GFOD2: variants seen among roughly 807,000 people sequenced by gnomAD.
GFOD2 encodes the protein Gfo/Idh/MocA-like oxidoreductase domain containing 2, also known as glucose-fructose oxidoreductase domain-containing protein 2.
Under a neutral mutation model 24.6 loss-of-function variants are expected in GFOD2, and 9 were observed. That is an observed-to-expected ratio of 0.37 (90% CI 0.22 to 0.64). The LOEUF (loss-of-function observed/expected upper bound fraction) is 0.64. Among genes scored for constraint, GFOD2 ranks in the 30% least tolerant of loss-of-function variants. The pLI, the probability that GFOD2 is intolerant of heterozygous loss-of-function variation, is 0.65. For synonymous variants in GFOD2, 211 were observed against 224.8 expected, an observed-to-expected ratio of 0.94 and a Z score of 0.55; for missense variants, 476 against 532.5, an observed-to-expected ratio of 0.89 and a Z score of 1.04.
intron 1 of GFOD2, among the ~76,000 whole-genome samples, chr16:67,705,669 T>C (rs2053433895): frequency 6.6e-6 from 1 of 152,144 alleles, no homozygotes; most frequent in Non-Finnish European, 1.5e-5. Context: ...CTGGGTGTGG[T>C]GGCTCACACC....
Position 67,675,586 on chromosome 16 carries a change from T to A in GFOD2, c.727A>T (p.Met243Leu), listed in dbSNP as rs1033962946. The A allele has an allele frequency of 1.9e-6, 3 of 1,613,454 alleles. No individual in the cohort carries two copies. Among genetic ancestry groups the A allele is most frequent in the Non-Finnish European group, 1.7e-6 (2 of 1,180,032 alleles). ...ACTTCATGCACAAAGGCGCCTGGCA[T>A]GTTGAAGTTGAGTGTCACTGTGCTA... ...VCSTVTLNFNMPGAFVHEVMV... is the reference protein window; with the variant it reads ...VCSTVTLNFNLPGAFVHEVMV... Residue 243 changes from methionine (M) to leucine (L), a missense_variant, in exon 3 of 3, where the codon ATG becomes TTG. Met to Leu is a conservative substitution (Grantham distance 15). Coordinates refer to ENST00000268797, the MANE Select transcript of GFOD2 (RefSeq NM_030819.4).
At chr16:67,695,702 A>AT (rs1432381821) in intron 1 of GFOD2, among the ~76,000 whole-genome samples, 5 of 150,914 alleles carry the variant, frequency 3.3e-5, no homozygotes, top group African/African-American at 1.2e-4. Flanking sequence ...TACCTGGCTA[A>AT]TTTTTGTATT....
Position 67,675,445 on chromosome 16 carries a change from C to G in GFOD2, c.868G>C (p.Gly290Arg), listed in dbSNP as rs1278644493. 1 of 1,612,468 alleles carries G rather than the reference C, an allele frequency of 6.2e-7. No homozygotes were observed. Among genetic ancestry groups the G allele is most frequent in the South Asian group, 1.1e-5 (1 of 91,088 alleles). Residue 290 changes from glycine (G) to arginine (R), a missense_variant, in exon 3 of 3, where the codon GGA (glycine) becomes CGA (arginine). Transcript: ENST00000268797. ...LLRDSLAVGAGLPEQGPQDVP... is the reference protein window; with the variant it reads ...LLRDSLAVGARLPEQGPQDVP... ...TCCTGGGGCCCCTGCTCAGGCAGTCCTGCGCCCACTGCCAGCGAGTCCCTC... is the reference window on the plus strand; with the variant it reads ...TCCTGGGGCCCCTGCTCAGGCAGTCGTGCGCCCACTGCCAGCGAGTCCCTC...
intron 1 of GFOD2, among the ~76,000 whole-genome samples, chr16:67,692,749 G>A (rs1467468036): frequency 4.0e-5 from 6 of 151,206 alleles, no homozygotes; most frequent in South Asian, 2.1e-4. Context: ...AAAAAAGGCC[G>A]GGCACGGTGG....
intron 2 of GFOD2, chr16:67,677,887 T>A (rs1451536325): frequency 6.6e-6 from 1 of 152,246 alleles, no homozygotes; most frequent in Non-Finnish European, 1.5e-5. Flanking sequence ...TAGGCCTGGA[T>A]GCCTGTGACC....
chr16:67,685,821 C>G lies in GFOD2; in HGVS notation c.-87-19G>C. 1 of 1,342,014 alleles carries G rather than the reference C, an allele frequency of 7.5e-7. No homozygotes were observed. Among genetic ancestry groups the G allele is most frequent in the South Asian group, 1.4e-5 (1 of 73,386 alleles). 83.1% of individuals were successfully genotyped at this position (1,342,014 alleles called of 1,614,324 possible). A position where few individuals can be genotyped will look rare whatever the true frequency, so the allele number is the denominator to read the frequency against. ...ATGGCTCCTAGAATAGCAAACATTA[C>G]ACTGGTTATTACTGGAGAGGACACT... On this transcript the variant is annotated intron_variant, in intron 1 of 2. Transcript: ENST00000268797.
chr16:67,686,797 C>A, intron 1 of GFOD2, among the ~76,000 whole-genome samples: 1 of 151,888 alleles, frequency 6.6e-6, no homozygotes. Flanking sequence ...GATCACACCA[C>A]TGCACTCCAG....
chr16:67,715,762 C>T (rs1417256748), intron 1 of GFOD2, among the ~76,000 whole-genome samples: 1 of 151,866 alleles, frequency 6.6e-6, no homozygotes, highest in Non-Finnish European at 1.5e-5. Flanking sequence ...CCATTCTTTC[C>T]TAGATGTACT....
intron 2 of GFOD2, chr16:67,683,857 C>A (rs1488206180): frequency 5.1e-5 from 61 of 1,203,336 alleles, no homozygotes; most frequent in Non-Finnish European, 6.1e-5. Flanking sequence ...CAAGGAGACA[C>A]TTGGCTCCTA....
At chr16:67,698,580 G>A (rs1343792695) in intron 1 of GFOD2, among the ~76,000 whole-genome samples, 1 of 152,164 alleles carries the variant, frequency 6.6e-6, no homozygotes, top group Non-Finnish European at 1.5e-5. Flanking sequence ...CCAGGTTCAA[G>A]CAAGTCTCCT....
In GFOD2 at chr16:67,685,819, T is replaced by G. The variant is rs368362914; in HGVS notation, c.-87-17A>C. 2.5e-5 allele frequency: 34 copies of G among 1,346,356 alleles called. No individual in the cohort carries two copies. Among genetic ancestry groups the G allele is most frequent in the East Asian group, 1.2e-4 (5 of 43,362 alleles). 83.4% of individuals were successfully genotyped at this position (1,346,356 alleles called of 1,614,324 possible). Reference sequence around the variant, plus strand: ...ACATGGCTCCTAGAATAGCAAACATTACACTGGTTATTACTGGAGAGGACA... The same window carrying G: ...ACATGGCTCCTAGAATAGCAAACATGACACTGGTTATTACTGGAGAGGACA... On this transcript the variant is annotated splice_polypyrimidine_tract_variant and intron_variant, in intron 1 of 2. Transcript: ENST00000268797.
chr16:67,700,493 CCTGAGGT>C (rs1308533490), intron 1 of GFOD2, among the ~76,000 whole-genome samples: 1 of 152,180 alleles, frequency 6.6e-6, no homozygotes, highest in South Asian at 2.1e-4. Context: ...CGGTGGCTCA[CCTGAGGT>C]CAGGAGTTTG....
chr16:67,713,477 T>G (rs1436314135), intron 1 of GFOD2, among the ~76,000 whole-genome samples: 1 of 152,116 alleles, frequency 6.6e-6, no homozygotes, highest in African/African-American at 2.4e-5. Flanking sequence ...CTTCCCGACT[T>G]CCAATGCCAT....
chr16:67,677,970 C>T (rs1244746867), intron 2 of GFOD2: 2 of 152,222 alleles, frequency 1.3e-5, no homozygotes, highest in African/African-American at 4.8e-5. Context: ...CTCATCTTCC[C>T]TCAGGCCCCC....
chr16:67,690,967 A>C (rs1317900698), intron 1 of GFOD2, among the ~76,000 whole-genome samples: 1 of 152,090 alleles, frequency 6.6e-6, no homozygotes, highest in African/African-American at 2.4e-5. Flanking sequence ...GGTTCAACCG[A>C]TTCTCATGCC....
At chr16:67,699,117 C>A (rs9938929) in intron 1 of GFOD2, among the ~76,000 whole-genome samples, 18,827 of 151,978 alleles carry the variant, frequency 0.12, 2,244 homozygotes, top group African/African-American at 0.32. Context: ...CCAAGGCGGG[C>A]GGATCATGAG....
chr16:67,684,030 G>A (rs191353085), intron 2 of GFOD2: 1 of 364,512 alleles, frequency 2.7e-6, no homozygotes, highest in Non-Finnish European at 3.8e-6. Context: ...AGCTTTGAAT[G>A]TCCAAAATGA....
intron 1 of GFOD2, among the ~76,000 whole-genome samples, chr16:67,702,826 G>C (rs2053412629): frequency 6.6e-6 from 1 of 151,874 alleles, no homozygotes; most frequent in Non-Finnish European, 1.5e-5. Flanking sequence ...TTGAACTCCT[G>C]ACCTCACATG....
At chr16:67,705,505 G>A (rs1428335078) in intron 1 of GFOD2, among the ~76,000 whole-genome samples, 1 of 152,176 alleles carries the variant, frequency 6.6e-6, no homozygotes, top group African/African-American at 2.4e-5. Context: ...ACTGTGCCCA[G>A]CCTACCTACA....
Sources: allele counts gnomAD v4.1 joint callset (sites outside exome capture counted in the v4.1 genomes callset), GRCh38; gene constraint gnomAD v4.1.1; transcripts MANE v1.5; gene names NCBI Gene and HGNC (gene_info 2026-07-23, HGNC 2026-07-21).